ADGRV1: variants seen among roughly 807,000 people sequenced by gnomAD.
ADGRV1 encodes the protein G-protein coupled receptor 98.
A neutral mutation model predicts 596.2 loss-of-function variants in ADGRV1; 359 were observed. The ratio of observed to expected loss-of-function variants is 0.60; its 90% confidence interval spans 0.55 to 0.66. ADGRV1 has a LOEUF of 0.66. ADGRV1 is among the 30% of genes least tolerant of loss of function. The pLI, the probability that ADGRV1 is intolerant of heterozygous loss-of-function variation, is 0.00. For missense variants in ADGRV1, 7,274 were observed against 7,575.6 expected (o/e 0.96, Z 1.48); for synonymous variants, 2,681 against 2,679.2 (o/e 1.00, Z -0.02).
chr5:90,789,691 A>C lies in ADGRV1; in HGVS notation c.13894-11A>C. ...TTATAAATTATTTTCTCTGTTGTTT[A>C]TATTTTTTAGATACAAGAGTTTGGT... is the stretch of plus-strand genomic sequence containing the variant. On this transcript the variant is annotated splice_polypyrimidine_tract_variant and intron_variant, in intron 68 of 89. Coordinates refer to ENST00000405460, the MANE Select transcript of ADGRV1 (RefSeq NM_032119.4). 1 of 1,498,550 alleles carries C rather than the reference A, an allele frequency of 6.7e-7. No homozygotes were observed. Among genetic ancestry groups the C allele is most frequent in the Non-Finnish European group, 9.1e-7 (1 of 1,103,038 alleles). 92.8% of individuals were successfully genotyped at this position (1,498,550 alleles called of 1,614,324 possible).
At chr5:90,763,579 A>T (rs1006656598) in intron 59 of ADGRV1, 110 bp downstream of exon 59, 9 of 1,040,706 alleles carry the variant, frequency 8.6e-6, no homozygotes, top group African/African-American at 1.6e-5. Flanking sequence ...TTACATGGGT[A>T]TATTGCATAA....
At chr5:90,658,379 T>A (rs1340870369) in intron 21 of ADGRV1, 101 bp downstream of exon 21, 2 of 1,097,068 alleles carry the variant, frequency 1.8e-6, no homozygotes, top group Non-Finnish European at 2.5e-6. Flanking sequence ...GTTGCGCATC[T>A]ACTCCAAGTC....
intron 85 of ADGRV1, among the ~76,000 whole-genome samples, chr5:91,025,536 G>C (rs989299490): frequency 2.6e-5 from 4 of 152,100 alleles, no homozygotes; most frequent in African/African-American, 9.7e-5. Flanking sequence ...CTGTTTGTGA[G>C]ACATAAAGGA....
intron 45 of ADGRV1, among the ~76,000 whole-genome samples, chr5:90,721,448 G>A (rs1750928251): frequency 6.6e-6 from 1 of 151,378 alleles, no homozygotes; most frequent in Non-Finnish European, 1.5e-5. Flanking sequence ...AGCTTGCAGT[G>A]AGCCGAGATC....
chr5:90,818,829 G>C (rs894672488), intron 75 of ADGRV1, among the ~76,000 whole-genome samples: 5 of 150,400 alleles, frequency 3.3e-5, no homozygotes, highest in African/African-American at 1.2e-4. Flanking sequence ...GTATTTTATT[G>C]AGGATTTTTG....
intron 19 of ADGRV1, 84 bp downstream of exon 19, chr5:90,652,647 A>G (rs919440120): frequency 2.4e-6 from 2 of 822,456 alleles, no homozygotes; most frequent in African/African-American, 3.5e-5. Flanking sequence ...AATTAGAGCC[A>G]TATACAAAAT....
Position 90,728,803 on chromosome 5 carries a change from C to T in ADGRV1, c.10296C>T (p.Ser3432=). The part of the protein sequence containing the change: ...AISQANARLN[S]LLFRWSGSGF... ...CCCAGGCTAATGCCAGGCTAAACTCCCTTTTATTCAGATGGTCTGGCAGTG... is the reference window on the plus strand; with the variant it reads ...CCCAGGCTAATGCCAGGCTAAACTCTCTTTTATTCAGATGGTCTGGCAGTG... Residue 3432 remains serine (S), a synonymous_variant, in exon 49 of 90, where the codon TCC becomes TCT. Coordinates refer to ENST00000405460, the MANE Select transcript of ADGRV1 (RefSeq NM_032119.4). 1.9e-6 allele frequency: 3 copies of T among 1,613,950 alleles called. No homozygotes were observed. Among genetic ancestry groups the T allele is most frequent in the Non-Finnish European group, 2.5e-6 (3 of 1,179,854 alleles).
intron 1 of ADGRV1, among the ~76,000 whole-genome samples, chr5:90,591,726 G>A (rs960439586): frequency 8.5e-5 from 13 of 152,172 alleles, no homozygotes; most frequent in African/African-American, 2.7e-4. Context: ...AGTCCCACTT[G>A]TTGAAACATT....
At chr5:90,665,049 A>C (rs1204933740) in intron 21 of ADGRV1, among the ~76,000 whole-genome samples, 1 of 151,154 alleles carries the variant, frequency 6.6e-6, no homozygotes, top group Non-Finnish European at 1.5e-5. Context: ...ATCAGTGTTC[A>C]TCAAGGATAT....
Position 90,706,324 on chromosome 5 carries a change from T to C in ADGRV1, c.8660T>C (p.Val2887Ala). ...CTAGCAGAGCCAGAAGTTGATTTTGTCCCTATCATTGGCTTTCTGATTTTA... is the reference window on the plus strand; with the variant it reads ...CTAGCAGAGCCAGAAGTTGATTTTGCCCCTATCATTGGCTTTCTGATTTTA... Reference protein sequence around the residue: ...GNLAEPEVDFVPIIGFLILEE... With the variant: ...GNLAEPEVDFAPIIGFLILEE... The change falls in exon 38 of 90, where the codon GTC (valine) becomes GCC (alanine). Residue 2887 changes from valine to alanine, a missense_variant. Val to Ala is a moderately conservative substitution (Grantham distance 64). Coordinates refer to ENST00000405460, the MANE Select transcript of ADGRV1 (RefSeq NM_032119.4). The C allele has an allele frequency of 6.2e-7, 1 of 1,613,138 alleles. No individual in the cohort carries two copies.
At chr5:90,807,474 A>G (rs1762013893) in intron 72 of ADGRV1, 128 bp from the exon 73 acceptor site, 2 of 923,698 alleles carry the variant, frequency 2.2e-6, no homozygotes, top group African/African-American at 3.3e-5. Context: ...CTTTTTAAAA[A>G]TGTTTTACCT....
At chr5:90,845,531 A>G (rs1172685272) in intron 78 of ADGRV1, among the ~76,000 whole-genome samples, 1 of 152,096 alleles carries the variant, frequency 6.6e-6, no homozygotes, top group Admixed American at 6.5e-5. Context: ...TCATTTTTAG[A>G]AAAGTCGGAA....
At chr5:90,712,874 A>G (rs1465347612) in intron 42 of ADGRV1, among the ~76,000 whole-genome samples, 1 of 152,160 alleles carries the variant, frequency 6.6e-6, no homozygotes, top group African/African-American at 2.4e-5. Context: ...GTGTTGAGGT[A>G]TACTGATACT....
chr5:91,054,456 A>G (rs919879477), intron 85 of ADGRV1, among the ~76,000 whole-genome samples: 1 of 152,166 alleles, frequency 6.6e-6, no homozygotes, highest in African/African-American at 2.4e-5. Flanking sequence ...ATATTGAAGT[A>G]ACATGTTAGG....
At chr5:90,599,042 T>C (rs1179595359) in intron 1 of ADGRV1, among the ~76,000 whole-genome samples, 5 of 152,090 alleles carry the variant, frequency 3.3e-5, no homozygotes, top group African/African-American at 1.2e-4. Context: ...ACATTTAATT[T>C]TGGAATATGT....
chr5:90,971,661 C>T (rs77911065), intron 84 of ADGRV1, among the ~76,000 whole-genome samples: 61 of 152,264 alleles, frequency 4.0e-4, no homozygotes, highest in Non-Finnish European at 5.9e-4. Context: ...TGAGAGATTT[C>T]GTCACCACGA....
chr5:91,045,775 TAA>T (rs948884617), intron 85 of ADGRV1, among the ~76,000 whole-genome samples: 1 of 152,150 alleles, frequency 6.6e-6, no homozygotes, highest in African/African-American at 2.4e-5. Context: ...TAGAAAACCC[TAA>T]AGACTCCTCC....
At chr5:90,820,443 A>G (rs1763369299) in intron 75 of ADGRV1, among the ~76,000 whole-genome samples, 1 of 150,344 alleles carries the variant, frequency 6.7e-6, no homozygotes, top group South Asian at 2.1e-4. Flanking sequence ...TTATGTGTGA[A>G]TTTGATCCTG....
At chr5:91,109,418 G>T (rs975113192) in intron 87 of ADGRV1, among the ~76,000 whole-genome samples, 2 of 152,120 alleles carry the variant, frequency 1.3e-5, no homozygotes, top group African/African-American at 4.8e-5. Context: ...ATGATGTGAG[G>T]TTAACAAATC....
Sources: allele counts gnomAD v4.1 joint callset (sites outside exome capture counted in the v4.1 genomes callset), GRCh38; gene constraint gnomAD v4.1.1; transcripts MANE v1.5; gene names NCBI Gene and HGNC (gene_info 2026-07-23, HGNC 2026-07-21).